The following PTPRD variants were observed in gnomAD, a reference collection of about 807,000 sequenced individuals.
The protein encoded by PTPRD is protein tyrosine phosphatase receptor type D.
PTPRD carries 34 observed loss-of-function variants against 214.5 expected under a neutral mutation model. The ratio of observed to expected loss-of-function variants is 0.16; its 90% confidence interval spans 0.12 to 0.21. PTPRD has a LOEUF of 0.21. PTPRD is among the 10% of genes least tolerant of loss of function. The pLI, the probability that PTPRD is intolerant of heterozygous loss-of-function variation, is 1.00. For missense variants in PTPRD, 2,545 were observed against 2,398.7 expected, an observed-to-expected ratio of 1.06 and a Z score of -1.27; for synonymous variants, 1,128 against 845.7, an observed-to-expected ratio of 1.33 and a Z score of -5.79.
chr9:9,972,849 A>G (rs2095190009), intron 4 of PTPRD, among the ~76,000 whole-genome samples: 3 of 152,138 alleles, frequency 2.0e-5, no homozygotes, highest in Non-Finnish European at 4.4e-5. Context: ...CTTTCTTATA[A>G]GGAGCCTTCT....
chr9:9,928,147 C>T (rs963300902), intron 5 of PTPRD, among the ~76,000 whole-genome samples: 4 of 152,078 alleles, frequency 2.6e-5, no homozygotes, highest in Non-Finnish European at 5.9e-5. Flanking sequence ...AACTTTACTA[C>T]AGTTGTTGGC....
At chr9:8,884,320 G>A (rs1039220240) in intron 11 of PTPRD, among the ~76,000 whole-genome samples, 3 of 152,210 alleles carry the variant, frequency 2.0e-5, no homozygotes, top group Non-Finnish European at 4.4e-5. Flanking sequence ...TCGATTGCCT[G>A]TTGCTGTTTA....
intron 8 of PTPRD, among the ~76,000 whole-genome samples, chr9:9,553,830 T>C (rs2080894828): frequency 6.6e-6 from 1 of 152,054 alleles, no homozygotes; most frequent in Admixed American, 6.6e-5. Flanking sequence ...AAGAAAATAA[T>C]GCTTACACAT....
intron 5 of PTPRD, chr9:9,803,577 A>G (rs746125869): frequency 2.0e-5 from 3 of 152,020 alleles, no homozygotes; most frequent in Non-Finnish European, 4.4e-5. Context: ...TACTGTTTTA[A>G]TAAGGCATCT....
intron 11 of PTPRD, among the ~76,000 whole-genome samples, chr9:8,844,531 C>G (rs1320310980): frequency 1.3e-5 from 2 of 152,056 alleles, no homozygotes; most frequent in Non-Finnish European, 2.9e-5. Context: ...CAAAATGAGG[C>G]CAAGATTATG....
At chr9:9,149,162 C>G (rs1038026890) in intron 10 of PTPRD, among the ~76,000 whole-genome samples, 4 of 152,142 alleles carry the variant, frequency 2.6e-5, no homozygotes, top group African/African-American at 9.7e-5. Flanking sequence ...AAAATTATCG[C>G]TCACCTCAGG....
chr9:9,758,948 A>G (rs957012784), intron 6 of PTPRD, among the ~76,000 whole-genome samples: 1 of 152,174 alleles, frequency 6.6e-6, no homozygotes, highest in Non-Finnish European at 1.5e-5. Flanking sequence ...GTCAAATGTG[A>G]TTAAGGTAGC....
At chr9:8,990,157 G>A (rs1277417086) in intron 11 of PTPRD, among the ~76,000 whole-genome samples, 1 of 152,080 alleles carries the variant, frequency 6.6e-6, no homozygotes, top group Non-Finnish European at 1.5e-5. Context: ...TGCACACTAA[G>A]AGTACAAGTT....
At chr9:10,361,219 C>T (rs2097382646) in intron 2 of PTPRD, among the ~76,000 whole-genome samples, 2 of 152,158 alleles carry the variant, frequency 1.3e-5, no homozygotes, top group African/African-American at 4.8e-5. Flanking sequence ...TATGGCTTAA[C>T]AGAAGACAGG....
At chr9:9,563,704 G>C (rs764824260) in intron 8 of PTPRD, among the ~76,000 whole-genome samples, 3 of 152,076 alleles carry the variant, frequency 2.0e-5, no homozygotes, top group African/African-American at 7.2e-5. Context: ...AAACCATAAA[G>C]CTTCCATTAA....
intron 7 of PTPRD, among the ~76,000 whole-genome samples, chr9:9,658,713 T>C (rs972407084): frequency 7.9e-5 from 12 of 152,312 alleles, no homozygotes; most frequent in African/African-American, 1.9e-4. Flanking sequence ...TATTTTATCC[T>C]GGTCATTATC....
intron 11 of PTPRD, among the ~76,000 whole-genome samples, chr9:8,954,523 G>A (rs1028815013): frequency 7.7e-6 from 1 of 129,212 alleles, no homozygotes; most frequent in African/African-American, 2.6e-5. Flanking sequence ...AAAGAAGAAA[G>A]TGGTAAACAT....
Position 9,816,058 on chromosome 9 carries a change from T to C in PTPRD, c.-367-49207A>G, listed in dbSNP as rs146190072. On this transcript the variant is annotated intron_variant, in intron 5 of 45. Transcript: ENST00000381196. ...ACTGCAAGGAATGTTTCAATAAGCA[T>C]GGTTGTGGTCATCATTTTACAATAT... 1.8e-4 allele frequency among the ~76,000 whole-genome samples: 28 copies of C among 152,274 alleles called. No individual in the cohort carries two copies. The East Asian group carries it at 5.2e-3, about 28-fold the overall frequency.
intron 7 of PTPRD, among the ~76,000 whole-genome samples, chr9:9,597,894 G>C (rs976807444): frequency 2.6e-5 from 4 of 151,950 alleles, no homozygotes; most frequent in Non-Finnish European, 5.9e-5. Flanking sequence ...GTTGATAAAA[G>C]AATAAAATCT....
intron 15 of PTPRD, among the ~76,000 whole-genome samples, chr9:8,527,621 T>G (rs2074542175): frequency 6.6e-6 from 1 of 152,076 alleles, no homozygotes; most frequent in Non-Finnish European, 1.5e-5. Context: ...TTAAACAACT[T>G]AGAATTCTAT....
At chr9:10,220,378 A>G (rs553114980) in intron 3 of PTPRD, among the ~76,000 whole-genome samples, 1 of 152,076 alleles carries the variant, frequency 6.6e-6, no homozygotes, top group South Asian at 2.1e-4. Flanking sequence ...TCAGAAACTG[A>G]GAACCAAATA....
chr9:8,353,502 G>C (rs143649749), intron 39 of PTPRD, among the ~76,000 whole-genome samples: 4 of 151,624 alleles, frequency 2.6e-5, no homozygotes, highest in Non-Finnish European at 5.9e-5. Context: ...GTGTGATCTC[G>C]GCTCATCGTA....
chr9:10,446,877 A>G (rs1277017993), intron 2 of PTPRD, among the ~76,000 whole-genome samples: 4 of 152,320 alleles, frequency 2.6e-5, no homozygotes, highest in South Asian at 4.1e-4. Context: ...TTTGTGCCAC[A>G]GCATACTGCC....
intron 2 of PTPRD, among the ~76,000 whole-genome samples, chr9:10,500,327 CCAAGAAAAACA>C (rs1262396596): frequency 5.3e-5 from 8 of 151,826 alleles, no homozygotes; most frequent in African/African-American, 1.9e-4. Context: ...TACTCTTTTT[CCAAGAAAAACA>C]CAAGAATATA....
Sources: allele counts gnomAD v4.1 joint callset (sites outside exome capture counted in the v4.1 genomes callset), GRCh38; gene constraint gnomAD v4.1.1; transcripts MANE v1.5; gene names NCBI Gene and HGNC (gene_info 2026-07-23, HGNC 2026-07-21).